PKHD1: variants seen among roughly 807,000 people sequenced by gnomAD.
The protein encoded by PKHD1 is fibrocystin.
PKHD1 carries 291 observed loss-of-function variants against 412.0 expected under a neutral mutation model. The ratio of observed to expected loss-of-function variants is 0.71; its 90% CI spans 0.64 to 0.78. The LOEUF is 0.78. Among genes scored for constraint, PKHD1 ranks in the 30% least tolerant of loss-of-function variants. PKHD1 has a pLI of 0.00. For missense variants in PKHD1, 4,825 were observed against 4,950.7 expected, an observed-to-expected ratio of 0.97 and a Z score of 0.76; for synonymous variants, 1,777 against 1,821.5, an observed-to-expected ratio of 0.98 and a Z score of 0.62.
intron 60 of PKHD1, among the ~76,000 whole-genome samples, chr6:51,689,172 G>A (rs780518322): frequency 6.6e-6 from 1 of 152,186 alleles, no homozygotes; most frequent in Non-Finnish European, 1.5e-5. Flanking sequence ...TTCATCCTCA[G>A]GATGCAAGAT....
chr6:51,947,255 G>T lies in PKHD1; in HGVS notation c.5908+12615C>A, dbSNP rs114754595. On this transcript the variant is annotated intron_variant, in intron 36 of 66. Transcript: ENST00000371117. The stretch of plus-strand genomic sequence containing the variant: ...TTCCTAAAACTCCCTCTCCTCACTT[G>T]CCCAGCCTCTTTGTTTTTCTTTCTT... Among the ~76,000 whole-genome samples, 55 of 152,186 alleles carry T rather than the reference G, an allele frequency of 3.6e-4. 1 individual carries two copies. Among genetic ancestry groups the T allele is most frequent in the African/African-American group, 1.2e-3 (51 of 41,524 alleles).
chr6:51,796,884 T>C (rs961369857), intron 52 of PKHD1, among the ~76,000 whole-genome samples: 3 of 151,150 alleles, frequency 2.0e-5, no homozygotes, highest in South Asian at 4.2e-4. Context: ...AGGGGTGTGA[T>C]ATCAGCTCAG....
intron 1 of PKHD1, among the ~76,000 whole-genome samples, chr6:52,086,685 G>A (rs1046412721): frequency 2.6e-5 from 4 of 152,166 alleles, no homozygotes; most frequent in South Asian, 2.1e-4. Context: ...ACCTGCCCCC[G>A]AGTCATTACC....
At chr6:51,656,388 G>A (rs559102909) in intron 61 of PKHD1, among the ~76,000 whole-genome samples, 2 of 152,176 alleles carry the variant, frequency 1.3e-5, no homozygotes, top group Admixed American at 1.3e-4. Context: ...AATACCTAAC[G>A]CATGTGGGGC....
At chr6:51,801,540 A>T (rs965479655) in intron 52 of PKHD1, among the ~76,000 whole-genome samples, 4 of 152,066 alleles carry the variant, frequency 2.6e-5, no homozygotes, top group African/African-American at 9.7e-5. Context: ...GGTCTTAAAA[A>T]TAGGCAGAAG....
chr6:52,013,954 G>A (rs1308386250), intron 34 of PKHD1, among the ~76,000 whole-genome samples: 1 of 152,184 alleles, frequency 6.6e-6, no homozygotes, highest in Non-Finnish European at 1.5e-5. Context: ...TCACACTGAA[G>A]CTGCCAGCAC....
chr6:51,891,507 G>A (rs746910239), intron 43 of PKHD1, among the ~76,000 whole-genome samples: 40 of 151,988 alleles, frequency 2.6e-4, no homozygotes, highest in African/African-American at 7.5e-4. Context: ...TCAAACTCCC[G>A]ACCTCAGGTG....
intron 36 of PKHD1, among the ~76,000 whole-genome samples, chr6:51,946,936 G>GT (rs1202084285): frequency 2.0e-5 from 3 of 151,928 alleles, no homozygotes; most frequent in East Asian, 3.9e-4. Flanking sequence ...ATAATTTGTT[G>GT]TTTTTTTTAA....
At chr6:52,050,439 C>A in intron 21 of PKHD1, 144 bp from the exon 22 acceptor site, 1 of 853,526 alleles carries the variant, frequency 1.2e-6, no homozygotes, top group Non-Finnish European at 2.0e-6. Flanking sequence ...CCATAAAGAA[C>A]ACATGGAGAG....
intron 20 of PKHD1, 31 bp from the exon 21 acceptor site, chr6:52,053,282 C>G: frequency 6.2e-7 from 1 of 1,611,394 alleles, no homozygotes. Flanking sequence ...GAACTGGGCT[C>G]TCAGGGAGCA....
At chr6:51,882,169 A>G (rs997530107) in intron 46 of PKHD1, among the ~76,000 whole-genome samples, 5 of 152,154 alleles carry the variant, frequency 3.3e-5, no homozygotes, top group African/African-American at 1.2e-4. Context: ...GCATCACAGA[A>G]TCTAAATCTG....
intron 32 of PKHD1, 82 bp downstream of exon 32, chr6:52,024,492 T>C (rs777519327): frequency 1.7e-5 from 22 of 1,328,514 alleles, no homozygotes; most frequent in African/African-American, 7.2e-5. Context: ...CAGATTGTGT[T>C]AATTTTCTAC....
chr6:52,084,915 A>C lies in PKHD1; in HGVS notation c.19T>G (p.Ser7Ala). The change falls in exon 2 of 67, where the codon TCT (serine) becomes GCT (alanine). Residue 7 changes from serine to alanine, a missense_variant. Coordinates refer to ENST00000371117, the MANE Select transcript of PKHD1 (RefSeq NM_138694.4). ...AGTAGTACTTCAATACTCATCAGAGAGATCAGCCAGGCAGTCATTCTGTCC... is the reference window on the plus strand; with the variant it reads ...AGTAGTACTTCAATACTCATCAGAGCGATCAGCCAGGCAGTCATTCTGTCC... MTAWLI[S>A]LMSIEVLLLA... 6.2e-7 allele frequency: 1 copy of C among 1,607,476 alleles called. No homozygotes were observed.
At chr6:51,991,626 T>C (rs1562078099) in intron 35 of PKHD1, among the ~76,000 whole-genome samples, 2 of 152,346 alleles carry the variant, frequency 1.3e-5, no homozygotes, top group Non-Finnish European at 1.5e-5. Context: ...CCCCAATAAA[T>C]ACATTGCCTT....
At chr6:52,065,138 T>TATATATATATATAA (rs1426901072) in intron 12 of PKHD1, 88 bp from the exon 13 acceptor site, 4 of 51,544 alleles carry the variant, frequency 7.8e-5, no homozygotes, top group Non-Finnish European at 1.3e-4. Context: ...TATAATTATA[T>TATATATATATATAA]ATATATATAT....
At chr6:51,992,681 CTGGAAGACTCTAACTG>C (rs1386317006) in intron 35 of PKHD1, among the ~76,000 whole-genome samples, 1 of 152,226 alleles carries the variant, frequency 6.6e-6, no homozygotes, top group Non-Finnish European at 1.5e-5. Context: ...CAATGAGAGG[CTGGAAGACTCTAACTG>C]TGGCCCAAAT....
chr6:51,988,402 T>C (rs889528915), intron 35 of PKHD1, among the ~76,000 whole-genome samples: 2 of 152,236 alleles, frequency 1.3e-5, no homozygotes, highest in Non-Finnish European at 2.9e-5. Flanking sequence ...ATATTTTATG[T>C]CGCCAATTAG....
At chr6:51,916,780 C>T (rs572401176) in intron 37 of PKHD1, among the ~76,000 whole-genome samples, 26 of 152,110 alleles carry the variant, frequency 1.7e-4, no homozygotes, top group Middle Eastern at 3.4e-3. Flanking sequence ...CATAAAACTA[C>T]GCATAAAAAG....
At chr6:51,810,844 T>TA (rs918666864) in intron 52 of PKHD1, among the ~76,000 whole-genome samples, 1 of 152,228 alleles carries the variant, frequency 6.6e-6, no homozygotes, top group African/African-American at 2.4e-5. Context: ...CTCATTATTA[T>TA]AAAAAGAAAG....
Sources: gnomAD v4.1 joint callset for allele counts (sites outside exome capture counted in the v4.1 genomes callset) on GRCh38, gnomAD v4.1.1 for gene constraint, MANE v1.5 for transcripts, NCBI Gene and HGNC (gene_info 2026-07-23, HGNC 2026-07-21) for gene names.